TBX21: variants seen among roughly 807,000 people sequenced by gnomAD.
TBX21 encodes T-box transcription factor 21.
Under a neutral mutation model 52.2 loss-of-function variants are expected in TBX21, and 11 were observed. The ratio of observed to expected loss-of-function variants is 0.21; its 90% CI spans 0.13 to 0.35. The LOEUF (loss-of-function observed/expected upper bound fraction) is 0.35, where lower values mean the gene tolerates loss of function less well. Ranked by LOEUF, TBX21 falls within the 10% of genes least tolerant of loss-of-function variation. TBX21 has a pLI of 1.00. For synonymous variants in TBX21, 300 were observed against 316.1 expected, an observed-to-expected ratio of 0.95 and a Z score of 0.54; for missense variants, 625 against 755.1, an observed-to-expected ratio of 0.83 and a Z score of 2.02.
intron 1 of TBX21, among the ~76,000 whole-genome samples, chr17:47,741,521 CT>C (rs1360147423): frequency 2.0e-5 from 3 of 152,152 alleles, no homozygotes; most frequent in Admixed American, 2.0e-4. Context: ...TCAATAGAGC[CT>C]TCTTTCAGGT....
chr17:47,738,210 T>A (rs2032229457), intron 1 of TBX21, among the ~76,000 whole-genome samples: 1 of 152,206 alleles, frequency 6.6e-6, no homozygotes, highest in Non-Finnish European at 1.5e-5. Flanking sequence ...CACGCTGGAG[T>A]GCAGTGGTGC....
chr17:47,743,497 C>T (rs1257760597), intron 3 of TBX21, among the ~76,000 whole-genome samples: 1 of 152,182 alleles, frequency 6.6e-6, no homozygotes, highest in African/African-American at 2.4e-5. Context: ...CATGGGTTGC[C>T]ATTGCTCCGG....
At position 47,733,784 on chromosome 17, in the gene TBX21, C is replaced by T. The variant is rs753290153; in HGVS notation, c.330C>T (p.Ala110=). The change falls in exon 1 of 6, where the codon GCC becomes GCT. Residue 110 remains alanine, a synonymous_variant. Coordinates refer to ENST00000177694, the MANE Select transcript of TBX21 (RefSeq NM_013351.2). This position sits in a 1 kb window ranked among gnomAD's most constrained non-coding sequence, Gnocchi z 6.6. The part of the protein sequence containing the change: ...EGYQPGEGYA[A]PDPRAGLYPG... Reference sequence around the variant, plus strand: ...ACCAGCCGGGCGAGGGCTACGCCGCCCCGGACCCGCGCGCCGGGCTCTACC... The same window carrying T: ...ACCAGCCGGGCGAGGGCTACGCCGCTCCGGACCCGCGCGCCGGGCTCTACC... 6.4e-7 allele frequency: 1 copy of T among 1,555,200 alleles called. No homozygotes were observed. The highest frequency in any genetic ancestry group is 8.7e-7 in the Non-Finnish European group (1 of 1,151,128).
chr17:47,736,448 C>A (rs1427612466), intron 1 of TBX21, among the ~76,000 whole-genome samples: 1 of 152,162 alleles, frequency 6.6e-6, no homozygotes, highest in Non-Finnish European at 1.5e-5. Context: ...TATCACCAAG[C>A]TTCTCTGATT....
chr17:47,745,103 C>T lies in TBX21; in HGVS notation c.1345C>T (p.Arg449Cys), dbSNP rs773622233. 2.0e-5 allele frequency: 33 copies of T among 1,613,866 alleles called. No homozygotes were observed. Among genetic ancestry groups the T allele is most frequent in the South Asian group, 9.9e-5 (9 of 91,082 alleles). ...PPKMGPASWFRPMRTLPMEPG... is the reference protein window; with the variant it reads ...PPKMGPASWFCPMRTLPMEPG... Reference sequence around the variant, plus strand: ...CAAGATGGGCCCGGCCAGCTGGTTCCGCCCTATGCGGACTCTGCCCATGGA... The same window carrying T: ...CAAGATGGGCCCGGCCAGCTGGTTCTGCCCTATGCGGACTCTGCCCATGGA... The change falls in exon 6 of 6, where the codon CGC (arginine) becomes TGC (cysteine). Residue 449 changes from arginine to cysteine, a missense_variant. Around this residue, in one of 4 missense-constraint regions of TBX21, gnomAD observed 261 missense variants for 275.1 expected, o/e 0.95. Transcript: ENST00000177694.
Position 47,742,999 on chromosome 17 carries a change from G to C in TBX21, c.647-72G>C. The C allele has an allele frequency of 6.3e-7, 1 of 1,585,892 alleles. No homozygotes were observed. The highest frequency in any genetic ancestry group is 1.8e-5 in the Admixed American group (1 of 56,498). ...TGTGTCCTTCCTTACGTCCCTCTCGGGACAGGCAAAGCCCTACATCACCAG... is the reference window on the plus strand; with the variant it reads ...TGTGTCCTTCCTTACGTCCCTCTCGCGACAGGCAAAGCCCTACATCACCAG... On this transcript the variant is annotated intron_variant, in intron 2 of 5. Coordinates refer to ENST00000177694, the MANE Select transcript of TBX21 (RefSeq NM_013351.2). The surrounding 1 kb of genome is among the most constrained non-coding windows in gnomAD (Gnocchi z 4.4).
intron 3 of TBX21, 94 bp downstream of exon 3, chr17:47,743,286 T>C (rs1451797228): frequency 2.7e-6 from 4 of 1,506,310 alleles, no homozygotes; most frequent in Non-Finnish European, 3.6e-6. Context: ...GCCAGTTTGG[T>C]TCATTTTTTC....
rs773302229 is a variant in TBX21 at position 47,744,535 on chromosome 17, C to T, written c.981C>T (p.Asn327=). ...NNPFAKGFRE[N]FESMYTSVDT... ...CCTTTGCCAAAGGATTCCGGGAGAACTTTGAGTCGTAAGTGCCACTGGGTT... is the reference window on the plus strand; with the variant it reads ...CCTTTGCCAAAGGATTCCGGGAGAATTTTGAGTCGTAAGTGCCACTGGGTT... The change falls in exon 5 of 6, where the codon AAC becomes AAT. Residue 327 remains asparagine (N), a synonymous_variant. Coordinates refer to ENST00000177694, the MANE Select transcript of TBX21 (RefSeq NM_013351.2). 6.2e-7 allele frequency: 1 copy of T among 1,614,076 alleles called. No individual in the cohort carries two copies. Among genetic ancestry groups the T allele is most frequent in the African/African-American group, 1.3e-5 (1 of 74,930 alleles).
rs575345997 is a variant in TBX21, at chr17:47,739,322, G to A, written c.492-3288G>A. On this transcript the variant is annotated intron_variant, in intron 1 of 5. Transcript: ENST00000177694. ...CCTGTGTCTCCATTTCCCTCTACTA[G>A]TGATAAAAACAGGATGAGCTGGGCA... Among the ~76,000 whole-genome samples, 10 of 152,094 alleles carry A rather than the reference G, an allele frequency of 6.6e-5. No individual in the cohort carries two copies. In the South Asian group the frequency reaches 2.1e-3, roughly 32 times the overall value.
chr17:47,742,700 G>A lies in TBX21; in HGVS notation c.582G>A (p.Gln194=). The A allele has an allele frequency of 6.3e-7, 1 of 1,594,842 alleles. No homozygotes were observed. Among genetic ancestry groups the A allele is most frequent in the South Asian group, 1.1e-5 (1 of 87,564 alleles). The part of the protein sequence containing the change: ...RMFVDVVLVD[Q]HHWRYQSGKW... The stretch of plus-strand genomic sequence containing the variant: ...TTGTGGACGTGGTCTTGGTGGACCA[G>A]CACCACTGGCGGTACCAGAGCGGCA... Residue 194 remains glutamine, a synonymous_variant, in exon 2 of 6, where the codon CAG becomes CAA. Transcript: ENST00000177694. The surrounding 1 kb of genome is among the most constrained non-coding windows in gnomAD (Gnocchi z 4.4).
In TBX21 at chr17:47,742,335, G is replaced by C. The variant is rs1034114775; in HGVS notation, c.492-275G>C. Reference sequence around the variant, plus strand: ...GACCTCAGGTGATCCGCCCGCCTTGGCCTCTCAAAGTGCTGGGATTACAGG... The same window carrying C: ...GACCTCAGGTGATCCGCCCGCCTTGCCCTCTCAAAGTGCTGGGATTACAGG... On this transcript the variant is annotated intron_variant, in intron 1 of 5. Coordinates refer to ENST00000177694, the MANE Select transcript of TBX21 (RefSeq NM_013351.2). The surrounding 1 kb of genome is among the most constrained non-coding windows in gnomAD (Gnocchi z 4.4). Among the ~76,000 whole-genome samples the C allele has an allele frequency of 4.6e-5, 7 of 152,146 alleles. No individual in the cohort carries two copies. The highest frequency in any genetic ancestry group is 8.8e-5 in the Non-Finnish European group (6 of 68,032).
chr17:47,736,938 C>G (rs180909623), intron 1 of TBX21, among the ~76,000 whole-genome samples: 1 of 152,132 alleles, frequency 6.6e-6, no homozygotes, highest in Non-Finnish European at 1.5e-5. Flanking sequence ...CACGCCGTCC[C>G]GGATTCTTCC....
At chr17:47,740,111 G>A (rs1237167476) in intron 1 of TBX21, among the ~76,000 whole-genome samples, 1 of 151,872 alleles carries the variant, frequency 6.6e-6, no homozygotes, top group Non-Finnish European at 1.5e-5. Context: ...TGTTGCCCAG[G>A]CTGGAGTGCA....
rs1399955239 is a variant in TBX21, at chr17:47,742,759, T to C, written c.641T>C (p.Met214Thr). Reference sequence around the variant, plus strand: ...CAGTGTGGAAAGGCCGAGGGCAGCATGCCAGGTGCGCGCGCCCCTGGGAGC... The same window carrying C: ...CAGTGTGGAAAGGCCGAGGGCAGCACGCCAGGTGCGCGCGCCCCTGGGAGC... ...WVQCGKAEGS[M>T]PGNRLYVHPD... is the part of the protein sequence containing the mutation. Residue 214 changes from methionine (M) to threonine (T), a missense_variant, in exon 2 of 6, where the codon ATG becomes ACG. By Grantham distance (81) the Met-to-Thr change is moderately conservative (BLOSUM62 -1). Transcript: ENST00000177694. The surrounding 1 kb of genome is among the most constrained non-coding windows in gnomAD (Gnocchi z 4.4). 4 of 1,567,458 alleles carry C rather than the reference T, an allele frequency of 2.6e-6. No homozygotes were observed. Among genetic ancestry groups the C allele is most frequent in the Non-Finnish European group, 3.5e-6 (4 of 1,155,692 alleles).
At chr17:47,741,003 A>G (rs2032262286) in intron 1 of TBX21, among the ~76,000 whole-genome samples, 1 of 152,062 alleles carries the variant, frequency 6.6e-6, no homozygotes, top group Admixed American at 6.5e-5. Context: ...TTCTCATGAG[A>G]GGAGGGGGAA....
At chr17:47,737,836 G>A (rs1286168883) in intron 1 of TBX21, among the ~76,000 whole-genome samples, 1 of 152,120 alleles carries the variant, frequency 6.6e-6, no homozygotes, top group African/African-American at 2.4e-5. Flanking sequence ...ATGTTGGCCA[G>A]GCTGGTCCCA....
At chr17:47,743,360 C>T (rs146254136) in intron 3 of TBX21, among the ~76,000 whole-genome samples, 168 bp downstream of exon 3, 1 of 152,220 alleles carries the variant, frequency 6.6e-6, no homozygotes, top group East Asian at 1.9e-4. Flanking sequence ...ATTTTTCCTC[C>T]TTCCTAAACT....
In TBX21 at chr17:47,744,299, C is replaced by A. The variant is rs1427729817; in HGVS notation, c.873C>A (p.Ile291=). ...EAACNASNTH[I]FTFQETQFIA... ...CCTGCAACGCTTCCAACACGCATAT[C>A]TTTACTTTCCAAGAAACCCAGTTCA... Residue 291 remains isoleucine (I), a synonymous_variant, in exon 4 of 6, where the codon ATC becomes ATA. Coordinates refer to ENST00000177694, the MANE Select transcript of TBX21 (RefSeq NM_013351.2). 6.2e-7 allele frequency: 1 copy of A among 1,614,244 alleles called. No individual in the cohort carries two copies. The highest frequency in any genetic ancestry group is 8.5e-7 in the Non-Finnish European group (1 of 1,180,054).
chr17:47,734,554 GGTGTGTGTGTGTGTGTGTGTGT>G (rs55690005), intron 1 of TBX21, among the ~76,000 whole-genome samples: 10 of 102,938 alleles, frequency 9.7e-5, no homozygotes, highest in South Asian at 3.4e-4. Flanking sequence ...TCATATGTCT[GGTGTGTGTGTGTGTGTGTGTGT>G]GTGTGTGTGT....
Sources: allele counts gnomAD v4.1 joint callset (sites outside exome capture counted in the v4.1 genomes callset), GRCh38; gene constraint gnomAD v4.1.1; regional missense constraint gnomAD v4.1.1; non-coding constraint Gnocchi (gnomAD v3.1); transcripts MANE v1.5; gene names NCBI Gene and HGNC (gene_info 2026-07-23, HGNC 2026-07-21).